The following RAG1 variants were observed in gnomAD, a reference collection of about 807,000 sequenced individuals.
RAG1 encodes the protein V(D)J recombination-activating protein 1.
RAG1 carries 35 observed loss-of-function variants against 62.7 expected under a neutral mutation model. The observed-to-expected ratio is 0.56, with a 90% confidence interval of 0.43 to 0.74. The LOEUF is 0.74. Ranked by LOEUF, RAG1 falls within the 30% of genes least tolerant of loss-of-function variation. RAG1 has a pLI of 0.00. For synonymous variants in RAG1, 461 were observed against 470.3 expected (o/e 0.98, Z 0.26); for missense variants, 1,169 against 1,278.6 (o/e 0.91, Z 1.31).
At chr11:36,518,454 C>T (rs1860027983) in intron 1 of RAG1, among the ~76,000 whole-genome samples, 1 of 152,212 alleles carries the variant, frequency 6.6e-6, no homozygotes, top group Non-Finnish European at 1.5e-5. Context: ...TACATTCCCA[C>T]CAACAGTGTA....
chr11:36,568,848 G>A (rs1231641192), intron 1 of RAG1, among the ~76,000 whole-genome samples: 2 of 152,192 alleles, frequency 1.3e-5, no homozygotes, highest in Non-Finnish European at 2.9e-5. Flanking sequence ...TGAAGGAAGA[G>A]CAAGAATTGT....
intron 1 of RAG1, among the ~76,000 whole-genome samples, chr11:36,512,726 A>T (rs1859943243): frequency 6.6e-6 from 1 of 152,220 alleles, no homozygotes; most frequent in East Asian, 1.9e-4. Flanking sequence ...AGCAACCACA[A>T]TGATCAGGTT....
At chr11:36,535,299 T>C (rs983822770) in intron 2 of RAG1, among the ~76,000 whole-genome samples, 1 of 152,036 alleles carries the variant, frequency 6.6e-6, no homozygotes, top group African/African-American at 2.4e-5. Context: ...TGGCATTTTT[T>C]AAAAATAGGA....
chr11:36,543,525 T>G (rs7949264), intron 3 of RAG1, among the ~76,000 whole-genome samples: 2,578 of 152,332 alleles, frequency 0.017, 68 homozygotes, highest in African/African-American at 0.058. Flanking sequence ...GGTTCTGTTG[T>G]GGCACTTACC....
chr11:36,573,587 G>A lies in RAG1; in HGVS notation c.283G>A (p.Glu95Lys), dbSNP rs1343229886. The change falls in exon 2 of 2, where the codon GAG (glutamate) becomes AAG (lysine). Residue 95 changes from glutamate to lysine, a missense_variant. Transcript: ENST00000299440. ...GTTTTCAAAGAAATTTCACGACAAC[G>A]AGAAAGCAAGAGGCAAAGCGATCCA... ...PKFSKKFHDN[E>K]KARGKAIHQA... 41 of 1,614,044 alleles carry A rather than the reference G, an allele frequency of 2.5e-5. No homozygotes were observed. Among genetic ancestry groups the A allele is most frequent in the Admixed American group, 5.0e-5 (3 of 59,996 alleles).
intron 2 of RAG1, among the ~76,000 whole-genome samples, chr11:36,531,338 G>A (rs1195372807): frequency 2.6e-5 from 4 of 151,684 alleles, no homozygotes; most frequent in African/African-American, 9.7e-5. Flanking sequence ...GTAATTATTG[G>A]TATGTTATGG....
At chr11:36,528,929 C>T (rs1414518703) in intron 2 of RAG1, among the ~76,000 whole-genome samples, 1 of 152,112 alleles carries the variant, frequency 6.6e-6, no homozygotes, top group Non-Finnish European at 1.5e-5. Context: ...CATATACCCT[C>T]CCAAGACTGA....
At chr11:36,515,971 T>C (rs1325161795) in intron 1 of RAG1, among the ~76,000 whole-genome samples, 1 of 152,200 alleles carries the variant, frequency 6.6e-6, no homozygotes. Flanking sequence ...TAGGCTTTTT[T>C]TGTGGTCACG....
At chr11:36,541,407 T>C (rs777769711) in intron 3 of RAG1, among the ~76,000 whole-genome samples, 5 of 152,256 alleles carry the variant, frequency 3.3e-5, no homozygotes, top group African/African-American at 4.8e-5. Flanking sequence ...CATGGACATA[T>C]ATTAATGTTG....
At chr11:36,569,799 G>A (rs1051576112) in intron 1 of RAG1, among the ~76,000 whole-genome samples, 2 of 152,216 alleles carry the variant, frequency 1.3e-5, no homozygotes, top group Middle Eastern at 6.8e-3. Flanking sequence ...ATTAAACACT[G>A]TTAAGATTTT....
rs369891733 is a variant in RAG1, at chr11:36,576,393, G to C, written c.3089G>C (p.Gly1030Ala). 6 of 1,614,144 alleles carry C rather than the reference G, an allele frequency of 3.7e-6. No homozygotes were observed. The South Asian group carries it at 6.6e-5, about 18-fold the overall frequency. Residue 1030 changes from glycine (G) to alanine (A), a missense_variant, in exon 2 of 2, where the codon GGC (glycine) becomes GCC (alanine). Around this residue, in one of 2 missense-constraint regions of RAG1, gnomAD observed 800 missense variants for 943.3 expected, o/e 0.85. Transcript: ENST00000299440. Reference sequence around the variant, plus strand: ...CAGGCAAGCTTAGGGGACCCATTAGGCATAGAGGACTCTCTGGAAAGCCAA... The same window carrying C: ...CAGGCAAGCTTAGGGGACCCATTAGCCATAGAGGACTCTCTGGAAAGCCAA... ...NPQASLGDPL[G>A]IEDSLESQDS...
rs752017342 is a variant in RAG1, at chr11:36,574,212, C to A, written c.908C>A (p.Pro303His). Residue 303 changes from proline to histidine, a missense_variant, in exon 2 of 2, where the codon CCT (proline) becomes CAT (histidine). Coordinates refer to ENST00000299440, the MANE Select transcript of RAG1 (RefSeq NM_000448.3). ...ATCTGTGAACACATTCTGGCTGACC[C>A]TGTGGAGACCAACTGTAAGCATGTC... Reference protein sequence around the residue: ...CQICEHILADPVETNCKHVFC... With the variant: ...CQICEHILADHVETNCKHVFC... 6 of 1,614,070 alleles carry A rather than the reference C, an allele frequency of 3.7e-6. No homozygotes were observed. In the African/African-American group the frequency reaches 6.7e-5, roughly 18 times the overall value.
At chr11:36,544,987 A>C (rs781316375) in intron 3 of RAG1, among the ~76,000 whole-genome samples, 35 of 152,214 alleles carry the variant, frequency 2.3e-4, no homozygotes, top group Non-Finnish European at 4.4e-4. Flanking sequence ...TAAATTACCC[A>C]GTCTCAGGTA....
chr11:36,533,913 T>G (rs1029196293), intron 2 of RAG1, among the ~76,000 whole-genome samples: 5 of 152,112 alleles, frequency 3.3e-5, no homozygotes, highest in African/African-American at 1.2e-4. Context: ...TTTCCACTTT[T>G]TAAAGTAATA....
intron 3 of RAG1, among the ~76,000 whole-genome samples, chr11:36,558,394 T>C (rs980728704): frequency 7.2e-5 from 11 of 152,344 alleles, no homozygotes; most frequent in Admixed American, 7.2e-4. Flanking sequence ...TATTACTGTA[T>C]TGGAGTCTGT....
intron 2 of RAG1, among the ~76,000 whole-genome samples, chr11:36,535,111 A>C (rs770538146): frequency 1.6e-4 from 24 of 152,182 alleles, no homozygotes; most frequent in Non-Finnish European, 2.8e-4. Flanking sequence ...ATTTTTGTAA[A>C]TATTCCATGG....
At position 36,573,530 on chromosome 11, in the gene RAG1, C is replaced by T; in HGVS notation, c.226C>T (p.Pro76Ser). The T allele has an allele frequency of 6.2e-7, 1 of 1,614,150 alleles. No individual in the cohort carries two copies. The highest frequency in any genetic ancestry group is 8.5e-7 in the Non-Finnish European group (1 of 1,180,030). Residue 76 changes from proline (P) to serine (S), a missense_variant, in exon 2 of 2, where the codon CCA (proline) becomes TCA (serine). Around this residue, in one of 2 missense-constraint regions of RAG1, gnomAD observed 369 missense variants for 335.3 expected, o/e 1.10. Coordinates refer to ENST00000299440, the MANE Select transcript of RAG1 (RefSeq NM_000448.3). ...LDKADGQKPVPTQPLLKAHPK... is the reference protein window; with the variant it reads ...LDKADGQKPVSTQPLLKAHPK... ...CAAGGCTGATGGTCAGAAGCCAGTC[C>T]CAACTCAGCCATTGTTAAAAGCCCA...
chr11:36,573,409 G>A lies in RAG1; in HGVS notation c.105G>A (p.Val35=), dbSNP rs771743966. The part of the protein sequence containing the change: ...FSEWKFKLFR[V]RSFEKTPEEA... Reference sequence around the variant, plus strand: ...AATGGAAATTTAAGCTGTTCCGGGTGAGATCCTTTGAAAAGACACCTGAAG... The same window carrying A: ...AATGGAAATTTAAGCTGTTCCGGGTAAGATCCTTTGAAAAGACACCTGAAG... Residue 35 remains valine (V), a synonymous_variant, in exon 2 of 2, where the codon GTG becomes GTA. Coordinates refer to ENST00000299440, the MANE Select transcript of RAG1 (RefSeq NM_000448.3). 5.0e-6 allele frequency: 8 copies of A among 1,614,142 alleles called. No homozygotes were observed. In the South Asian group the frequency reaches 8.8e-5, roughly 18 times the overall value.
chr11:36,527,679 T>C (rs1303444258), intron 2 of RAG1, among the ~76,000 whole-genome samples: 1 of 152,186 alleles, frequency 6.6e-6, no homozygotes, highest in Non-Finnish European at 1.5e-5. Flanking sequence ...TTGGGCAGTA[T>C]GGCCATTTTC....
Sources: allele counts gnomAD v4.1 joint callset (sites outside exome capture counted in the v4.1 genomes callset), GRCh38; gene constraint gnomAD v4.1.1; regional missense constraint gnomAD v4.1.1; transcripts MANE v1.5; gene names NCBI Gene and HGNC (gene_info 2026-07-23, HGNC 2026-07-21).